The following PHF24 variants were observed in gnomAD, a reference collection of about 807,000 sequenced individuals.
PHF24 encodes the protein PHD finger protein 24.
PHF24 carries 25 observed loss-of-function variants against 42.6 expected under a neutral mutation model. The ratio of observed to expected loss-of-function variants is 0.59; its 90% CI spans 0.43 to 0.82. PHF24 has a LOEUF of 0.82. PHF24 is among the 40% of genes least tolerant of loss of function. The pLI, the probability that PHF24 is intolerant of heterozygous loss-of-function variation, is 0.00. For synonymous variants in PHF24, 185 were observed against 204.8 expected, an observed-to-expected ratio of 0.90 and a Z score of 0.83; for missense variants, 470 against 538.1, an observed-to-expected ratio of 0.87 and a Z score of 1.25.
chr9:34,908,104 G>A, the PHF24 span, among the ~76,000 whole-genome samples: 1 of 152,170 alleles, frequency 6.6e-6, no homozygotes. Context: ...GCCTCCCAAA[G>A]TGCTGGGATT....
chr9:34,927,090 C>A, the PHF24 span, among the ~76,000 whole-genome samples: 1 of 152,156 alleles, frequency 6.6e-6, no homozygotes, highest in Non-Finnish European at 1.5e-5. Context: ...CTAGGAGGCT[C>A]AGGGGCCTCT....
At chr9:34,732,198 T>G in the PHF24 span, among the ~76,000 whole-genome samples, 6 of 152,260 alleles carry the variant, frequency 3.9e-5, no homozygotes, top group Non-Finnish European at 1.5e-5. Context: ...ATAGTAGCTG[T>G]ACTAATTTAC....
At chr9:34,729,758 C>A in the PHF24 span, among the ~76,000 whole-genome samples, 2 of 152,182 alleles carry the variant, frequency 1.3e-5, no homozygotes, top group African/African-American at 4.8e-5. Context: ...GGTCACCTGT[C>A]CTCAGAAAAC....
the PHF24 span, among the ~76,000 whole-genome samples, chr9:34,854,159 C>T: frequency 7.2e-6 from 1 of 139,776 alleles, no homozygotes; most frequent in Non-Finnish European, 1.5e-5. Context: ...CTATTTGGTT[C>T]TCTCTTTTCT....
the PHF24 span, among the ~76,000 whole-genome samples, chr9:34,944,975 C>T: frequency 6.6e-6 from 1 of 151,944 alleles, no homozygotes. Flanking sequence ...AACTGTTAAT[C>T]GTCCTCTGAT....
At chr9:34,791,701 C>T in the PHF24 span, among the ~76,000 whole-genome samples, 1 of 152,078 alleles carries the variant, frequency 6.6e-6, no homozygotes, top group Admixed American at 6.5e-5. Context: ...AATATGGTGC[C>T]TCAGAAGGCT....
the PHF24 span, among the ~76,000 whole-genome samples, chr9:34,815,760 A>C: frequency 6.6e-6 from 1 of 152,168 alleles, no homozygotes; most frequent in Non-Finnish European, 1.5e-5. Flanking sequence ...AGCAGGTCTA[A>C]AAAAAGTGAA....
the PHF24 span, among the ~76,000 whole-genome samples, chr9:34,861,410 C>T: frequency 1.3e-5 from 2 of 152,150 alleles, no homozygotes; most frequent in Non-Finnish European, 1.5e-5. Context: ...GCTGATCTGC[C>T]AGTAAATTGT....
At chr9:34,811,962 T>C in the PHF24 span, among the ~76,000 whole-genome samples, 1 of 152,186 alleles carries the variant, frequency 6.6e-6, no homozygotes, top group Non-Finnish European at 1.5e-5. Context: ...AACAACTTTA[T>C]TTAGAAATGG....
At chr9:34,678,493 C>T in the PHF24 span, among the ~76,000 whole-genome samples, 425 of 152,172 alleles carry the variant, frequency 2.8e-3, no homozygotes, top group African/African-American at 9.7e-3. Context: ...TGCCACCACA[C>T]CCAGCTAATT....
At chr9:34,973,344 G>A (rs969802839) in intron 3 of PHF24, among the ~76,000 whole-genome samples, 4 of 152,274 alleles carry the variant, frequency 2.6e-5, no homozygotes, top group African/African-American at 7.2e-5. Flanking sequence ...TGACTCATAA[G>A]CATTTGCTCT....
chr9:34,869,365 C>T, the PHF24 span, among the ~76,000 whole-genome samples: 1 of 152,118 alleles, frequency 6.6e-6, no homozygotes, highest in Non-Finnish European at 1.5e-5. Context: ...ATTTACACTC[C>T]CATCAACAGT....
At chr9:34,813,360 T>G in the PHF24 span, among the ~76,000 whole-genome samples, 1 of 152,172 alleles carries the variant, frequency 6.6e-6, no homozygotes, top group Non-Finnish European at 1.5e-5. Flanking sequence ...TTTCTATTAT[T>G]ATGTAACAAA....
the PHF24 span, among the ~76,000 whole-genome samples, chr9:34,767,078 G>A: frequency 6.6e-6 from 1 of 152,186 alleles, no homozygotes; most frequent in African/African-American, 2.4e-5. Flanking sequence ...TCTCAGAGGA[G>A]TACCCGGCCA....
the PHF24 span, among the ~76,000 whole-genome samples, chr9:34,771,619 A>G: frequency 6.6e-6 from 1 of 152,212 alleles, no homozygotes; most frequent in Non-Finnish European, 1.5e-5. Flanking sequence ...TTACATTTAT[A>G]TAATGTATGT....
At chr9:34,741,919 G>A in the PHF24 span, among the ~76,000 whole-genome samples, 2 of 152,240 alleles carry the variant, frequency 1.3e-5, no homozygotes, top group Non-Finnish European at 2.9e-5. Context: ...GGAGAGAACA[G>A]GAAGTGCTCT....
rs979844693 is a variant in PHF24, at chr9:34,976,088, C to T, written c.565-64C>T. 16 of 1,094,406 alleles carry T rather than the reference C, an allele frequency of 1.5e-5. No homozygotes were observed. The African/African-American group carries it at 1.7e-4, about 12-fold the overall frequency. 67.8% of individuals were successfully genotyped at this position (1,094,406 alleles called of 1,614,324 possible). The stretch of plus-strand genomic sequence containing the variant: ...TCCAGTTGAAATTCTATTTCTAGCC[C>T]CCTTGACCCTGGCCTTTCTTACTGG... On this transcript the variant is annotated intron_variant, in intron 3 of 7. Transcript: ENST00000242315.
the PHF24 span, among the ~76,000 whole-genome samples, chr9:34,936,115 C>T: frequency 6.6e-6 from 1 of 152,028 alleles, no homozygotes; most frequent in East Asian, 1.9e-4. Flanking sequence ...CCCTCTGATG[C>T]CGAGCCGAAG....
chr9:34,971,695 C>T lies in PHF24; in HGVS notation c.378+19C>T. 1 of 1,583,710 alleles carries T rather than the reference C, an allele frequency of 6.3e-7. No individual in the cohort carries two copies. The highest frequency in any genetic ancestry group is 8.6e-7 in the Non-Finnish European group (1 of 1,162,148). On this transcript the variant is annotated intron_variant, in intron 2 of 7. Coordinates refer to ENST00000242315, the Ensembl canonical transcript of PHF24. ...AGAGCCTGTGAGTATCCAGTTAGGA[C>T]AGGATCCTCAAGTCTTAGTGCATCA...
Sources: allele counts gnomAD v4.1 joint callset (sites outside exome capture counted in the v4.1 genomes callset), GRCh38; gene constraint gnomAD v4.1.1; transcripts MANE v1.5; gene names NCBI Gene and HGNC (gene_info 2026-07-23, HGNC 2026-07-21).